RYR2: variants seen among roughly 807,000 people sequenced by gnomAD.
RYR2 encodes the protein ryanodine receptor 2, also known as cardiac muscle ryanodine receptor-calcium release channel.
A neutral mutation model predicts 601.1 loss-of-function variants in RYR2; 227 were observed. That is an observed-to-expected ratio of 0.38 (90% CI 0.34 to 0.42). The LOEUF is 0.42. RYR2 is among the 10% of genes least tolerant of loss of function. RYR2 has a pLI of 1.00. For missense variants in RYR2, 4,646 were observed against 6,156.5 expected (o/e 0.75, Z 8.21); for synonymous variants, 2,223 against 2,175.1 (o/e 1.02, Z -0.61).
intron 31 of RYR2, among the ~76,000 whole-genome samples, 156 bp from the exon 32 acceptor site, chr1:237,591,583 G>A (rs1400184566): frequency 6.6e-6 from 1 of 152,010 alleles, no homozygotes; most frequent in African/African-American, 2.4e-5. Context: ...CCCCCAAACT[G>A]TGAGAACCAA....
At chr1:237,428,650 G>A (rs1188996110) in intron 12 of RYR2, among the ~76,000 whole-genome samples, 1 of 151,664 alleles carries the variant, frequency 6.6e-6, no homozygotes, top group Non-Finnish European at 1.5e-5. Context: ...GCTAATGCAT[G>A]TGGGGCGTAA....
intron 1 of RYR2, among the ~76,000 whole-genome samples, chr1:237,157,608 A>C (rs1675545678): frequency 6.6e-6 from 1 of 152,232 alleles, no homozygotes; most frequent in South Asian, 2.1e-4. Flanking sequence ...ACTGGAGGTC[A>C]TTATGTTAAG....
chr1:237,335,974 T>C (rs1293523841), intron 3 of RYR2, among the ~76,000 whole-genome samples: 1 of 152,208 alleles, frequency 6.6e-6, no homozygotes, highest in East Asian at 1.9e-4. Context: ...CATTTGGTGC[T>C]TTTTCAACAT....
intron 12 of RYR2, among the ~76,000 whole-genome samples, chr1:237,429,587 A>T (rs1706581820): frequency 6.6e-6 from 1 of 152,164 alleles, no homozygotes; most frequent in African/African-American, 2.4e-5. Context: ...TTCCTGCAGA[A>T]AGCTGAATAG....
chr1:237,680,589 T>TAAAAAA lies in RYR2; in HGVS notation c.9017+17_9017+18insAAAAAA. The TAAAAAA allele has an allele frequency of 6.3e-7, 1 of 1,587,004 alleles. No homozygotes were observed. Among genetic ancestry groups the TAAAAAA allele is most frequent in the Non-Finnish European group, 8.6e-7 (1 of 1,166,068 alleles). On this transcript the variant is annotated intron_variant, in intron 62 of 104. Coordinates refer to ENST00000366574, the MANE Select transcript of RYR2 (RefSeq NM_001035.3). ...GAAATGGTGACTAGGTAAACAGCTA[T>TAAAAAA]AAAAATAAGCACTGTTGTATGACTT...
At chr1:237,086,434 G>A (rs772935331) in intron 1 of RYR2, among the ~76,000 whole-genome samples, 4 of 151,992 alleles carry the variant, frequency 2.6e-5, no homozygotes, top group Non-Finnish European at 4.4e-5. Context: ...TTTAACATAC[G>A]AATTTTGTAG....
At chr1:237,680,998 G>T (rs776500654) in intron 62 of RYR2, among the ~76,000 whole-genome samples, 16 of 152,180 alleles carry the variant, frequency 1.1e-4, no homozygotes, top group Non-Finnish European at 1.9e-4. Flanking sequence ...AATGACCAAT[G>T]TTGGAAGAAA....
Position 237,788,148 on chromosome 1 carries a change from A to G in RYR2, c.13476+13A>G, listed in dbSNP as rs1434717151. 2 of 1,597,778 alleles carry G rather than the reference A, an allele frequency of 1.3e-6. No homozygotes were observed. Reference sequence around the variant, plus strand: ...ACAGAAACTTCTAGTAAGATGTTTTAGAATGAATATTGTTACTGATATAGT... The same window carrying G: ...ACAGAAACTTCTAGTAAGATGTTTTGGAATGAATATTGTTACTGATATAGT... On this transcript the variant is annotated intron_variant, in intron 92 of 104. Coordinates refer to ENST00000366574, the MANE Select transcript of RYR2 (RefSeq NM_001035.3).
intron 62 of RYR2, among the ~76,000 whole-genome samples, chr1:237,681,990 C>G (rs2148943661): frequency 6.6e-6 from 1 of 152,250 alleles, no homozygotes; most frequent in South Asian, 2.1e-4. Flanking sequence ...CACTTAGTTA[C>G]ATAAAGATAA....
chr1:237,216,119 G>T (rs955883832), intron 1 of RYR2, among the ~76,000 whole-genome samples: 1 of 152,052 alleles, frequency 6.6e-6, no homozygotes, highest in Admixed American at 6.6e-5. Context: ...ACAACATATG[G>T]AATGAAAAAT....
In RYR2 at chr1:237,726,295, G is replaced by T. The variant is rs2149138789; in HGVS notation, c.10712G>T (p.Arg3571Ile). The change falls in exon 75 of 105, where the codon AGA becomes ATA. Residue 3571 changes from arginine (R) to isoleucine (I), a missense_variant. Around this residue, in one of 17 missense-constraint regions of RYR2, gnomAD observed 1,497 missense variants for 1,842.6 expected, o/e 0.81. Coordinates refer to ENST00000366574, the MANE Select transcript of RYR2 (RefSeq NM_001035.3). ...CAGAAGTCTAAACGTGTGGGTCGGA[G>T]ACATTACTGTCTGGGAAGTACAGTG... ...LEQKSKRVGR[R>I]HYCLVEHPQR... is the part of the protein sequence containing the mutation. The T allele has an allele frequency of 6.3e-7, 1 of 1,590,188 alleles. No homozygotes were observed. The highest frequency in any genetic ancestry group is 1.7e-5 in the Admixed American group (1 of 57,980).
intron 25 of RYR2, among the ~76,000 whole-genome samples, chr1:237,544,599 G>T (rs1279763904): frequency 6.6e-6 from 1 of 152,016 alleles, no homozygotes; most frequent in African/African-American, 2.4e-5. Context: ...TGATTCAAAG[G>T]CTTTGTTCAT....
intron 103 of RYR2, 26 bp downstream of exon 103, chr1:237,830,656 C>G: frequency 8.2e-7 from 1 of 1,223,092 alleles, no homozygotes; most frequent in South Asian, 1.2e-5. Context: ...TCAGAATCTT[C>G]CACCTCTCCA....
intron 80 of RYR2, among the ~76,000 whole-genome samples, chr1:237,754,777 C>A (rs1434039007): frequency 6.6e-6 from 1 of 152,156 alleles, no homozygotes; most frequent in Admixed American, 6.5e-5. Flanking sequence ...ACGAAAGGGT[C>A]CTCTTTCAGT....
chr1:237,414,480 T>A (rs914780935), intron 10 of RYR2, among the ~76,000 whole-genome samples: 1 of 152,158 alleles, frequency 6.6e-6, no homozygotes, highest in Non-Finnish European at 1.5e-5. Context: ...TTTTAAAAAA[T>A]TATTTTAATT....
At chr1:237,360,379 C>G (rs976257586) in intron 4 of RYR2, among the ~76,000 whole-genome samples, 2 of 152,186 alleles carry the variant, frequency 1.3e-5, no homozygotes, top group African/African-American at 4.8e-5. Flanking sequence ...CTAGATACCT[C>G]TTCTATTTCA....
chr1:237,302,029 C>T (rs539029534), intron 2 of RYR2, among the ~76,000 whole-genome samples: 12 of 152,218 alleles, frequency 7.9e-5, no homozygotes, highest in South Asian at 2.1e-4. Flanking sequence ...CTTTGAACAA[C>T]GAACTCTGGC....
intron 63 of RYR2, among the ~76,000 whole-genome samples, chr1:237,696,602 A>T (rs1442916697): frequency 2.0e-5 from 3 of 148,518 alleles, no homozygotes; most frequent in Non-Finnish European, 4.4e-5. Context: ...TAATAGGCCC[A>T]TCACACTTAA....
In RYR2 at chr1:237,764,326, C is replaced by T. The variant is rs142176493; in HGVS notation, c.11476+3298C>T. On this transcript the variant is annotated intron_variant, in intron 84 of 104. Coordinates refer to ENST00000366574, the MANE Select transcript of RYR2 (RefSeq NM_001035.3). The stretch of plus-strand genomic sequence containing the variant: ...CCCACTGTTTAATTTACAGATCCCA[C>T]GAGTGAAGTCACTTCCCTCCCATCT... 5.5e-3 allele frequency among the ~76,000 whole-genome samples: 832 copies of T among 151,594 alleles called. 2 individuals are homozygous for T. Among genetic ancestry groups the T allele is most frequent in the Admixed American group, 8.9e-3 (136 of 15,230 alleles).
Sources: allele counts gnomAD v4.1 joint callset (sites outside exome capture counted in the v4.1 genomes callset), GRCh38; gene constraint gnomAD v4.1.1; regional missense constraint gnomAD v4.1.1; transcripts MANE v1.5; gene names NCBI Gene and HGNC (gene_info 2026-07-23, HGNC 2026-07-21).